The following CADPS variants were observed in gnomAD, a reference collection of about 807,000 sequenced individuals.
CADPS encodes calcium-dependent secretion activator 1.
A neutral mutation model predicts 167.3 loss-of-function variants in CADPS; 57 were observed. That is an observed-to-expected ratio of 0.34 (90% CI 0.28 to 0.42). The LOEUF is 0.42. Among genes scored for constraint, CADPS ranks in the 20% least tolerant of loss-of-function variants. CADPS has a pLI of 1.00. For synonymous variants in CADPS, 676 were observed against 635.3 expected (o/e 1.06, Z -0.96); for missense variants, 1,414 against 1,738.1 (o/e 0.81, Z 3.32).
chr3:62,841,653 A>G (rs2076669583), intron 1 of CADPS, among the ~76,000 whole-genome samples: 1 of 152,186 alleles, frequency 6.6e-6, no homozygotes, highest in Admixed American at 6.5e-5. Flanking sequence ...GCGAGCCCTG[A>G]TGGCACCACT....
At chr3:62,444,118 G>A (rs1016125736) in intron 27 of CADPS, among the ~76,000 whole-genome samples, 1 of 152,128 alleles carries the variant, frequency 6.6e-6, no homozygotes, top group Non-Finnish European at 1.5e-5. Flanking sequence ...TTGTCTACAG[G>A]CCACCTGTTC....
intron 8 of CADPS, among the ~76,000 whole-genome samples, chr3:62,576,889 T>C (rs1357429912): frequency 6.7e-6 from 1 of 149,966 alleles, no homozygotes; most frequent in Non-Finnish European, 1.5e-5. Flanking sequence ...TACACATGTC[T>C]GGGTTTGGAG....
chr3:62,849,155 A>C (rs1055545149), intron 1 of CADPS, among the ~76,000 whole-genome samples: 10 of 151,074 alleles, frequency 6.6e-5, no homozygotes, highest in East Asian at 1.9e-4. Context: ...GAAGTTGCTT[A>C]TCAGCTTAAG....
chr3:62,651,561 CTG>C (rs1441052640), intron 4 of CADPS, among the ~76,000 whole-genome samples: 3 of 152,146 alleles, frequency 2.0e-5, no homozygotes, highest in African/African-American at 7.2e-5. Context: ...CAAACATAGT[CTG>C]TGTCTATTTC....
At chr3:62,730,876 C>T (rs1186882694) in intron 3 of CADPS, among the ~76,000 whole-genome samples, 1 of 152,176 alleles carries the variant, frequency 6.6e-6, no homozygotes, top group Non-Finnish European at 1.5e-5. Context: ...ATGAGATGGC[C>T]ATTTGGGCCC....
rs371109838 is a variant in CADPS at position 62,478,553 on chromosome 3, G to T, written c.3174-137C>A. On this transcript the variant is annotated intron_variant, in intron 22 of 29. Coordinates refer to ENST00000383710, the MANE Select transcript of CADPS (RefSeq NM_003716.4). This position sits in a 1 kb window ranked among gnomAD's most constrained non-coding sequence, Gnocchi z 5.7. Reference sequence around the variant, plus strand: ...AACAACGTGTGTTGGCGGTGGAGGCGGGGGCGAGTCTCCACCGGCAGATTT... The same window carrying T: ...AACAACGTGTGTTGGCGGTGGAGGCTGGGGCGAGTCTCCACCGGCAGATTT... The T allele has an allele frequency of 3.9e-6, 3 of 765,856 alleles. No individual in the cohort carries two copies. Among genetic ancestry groups the T allele is most frequent in the East Asian group, 5.4e-5 (2 of 37,180 alleles). The allele number at this position is 765,856 out of a possible 1,614,324, so 47.4% of individuals were successfully genotyped here. A position where few individuals can be genotyped will look rare whatever the true frequency, so the allele number is the denominator to read the frequency against.
intron 3 of CADPS, among the ~76,000 whole-genome samples, chr3:62,685,353 A>G (rs2077810213): frequency 6.6e-6 from 1 of 151,990 alleles, no homozygotes; most frequent in Non-Finnish European, 1.5e-5. Flanking sequence ...ATCTATAATC[A>G]AAGAAACAAT....
At chr3:62,795,621 A>C (rs894552841) in intron 1 of CADPS, among the ~76,000 whole-genome samples, 3 of 148,914 alleles carry the variant, frequency 2.0e-5, no homozygotes, top group African/African-American at 7.8e-5. Flanking sequence ...TCACTCAATA[A>C]ATATTCATTG....
At chr3:62,553,252 T>C (rs1479117921) in intron 10 of CADPS, among the ~76,000 whole-genome samples, 2 of 152,104 alleles carry the variant, frequency 1.3e-5, no homozygotes, top group African/African-American at 4.8e-5. Context: ...GTTCATGGAG[T>C]TACTTTGGGG....
intron 17 of CADPS, among the ~76,000 whole-genome samples, chr3:62,511,869 G>C (rs1040814824): frequency 6.6e-6 from 1 of 152,090 alleles, no homozygotes; most frequent in Non-Finnish European, 1.5e-5. Context: ...CTACAGGGTA[G>C]GCTCCCACTA....
chr3:62,783,782 G>T (rs1214523788), intron 1 of CADPS, among the ~76,000 whole-genome samples: 1 of 152,208 alleles, frequency 6.6e-6, no homozygotes, highest in Non-Finnish European at 1.5e-5. Context: ...AATAGCTTTA[G>T]ATACTGTTAT....
chr3:62,724,124 GC>G (rs2076316756), intron 3 of CADPS, among the ~76,000 whole-genome samples: 1 of 152,208 alleles, frequency 6.6e-6, no homozygotes. Flanking sequence ...CAAAACAGGT[GC>G]AAAATAGAAA....
chr3:62,689,607 T>C (rs1050156826), intron 3 of CADPS, among the ~76,000 whole-genome samples: 1 of 152,040 alleles, frequency 6.6e-6, no homozygotes, highest in African/African-American at 2.4e-5. Flanking sequence ...CATAAAAAAT[T>C]AGATTGTATT....
chr3:62,822,703 G>A (rs941073838), intron 1 of CADPS, among the ~76,000 whole-genome samples: 12 of 152,036 alleles, frequency 7.9e-5, no homozygotes, highest in Admixed American at 2.6e-4. Flanking sequence ...TTAGCTGGGC[G>A]TGGTAGCGCA....
chr3:62,628,058 G>A (rs1336593059), intron 6 of CADPS, among the ~76,000 whole-genome samples: 1 of 152,178 alleles, frequency 6.6e-6, no homozygotes, highest in Non-Finnish European at 1.5e-5. Flanking sequence ...GAAGTAGAGT[G>A]TTCCTCCTCT....
At position 62,399,498 on chromosome 3, in the gene CADPS, C is replaced by T; in HGVS notation, c.3970G>A (p.Val1324Met). The T allele has an allele frequency of 6.2e-7, 1 of 1,614,168 alleles. No individual in the cohort carries two copies. ...TYETIRNRLT[V>M]EEATASVSEG... ...CTCACTGATGCTGTGGCTTCCTCCA[C>T]AGTGAGACGGTTCCGGATCGTTTCA... The change falls in exon 30 of 30, where the codon GTG (valine) becomes ATG (methionine). Residue 1324 changes from valine to methionine, a missense_variant. Coordinates refer to ENST00000383710, the MANE Select transcript of CADPS (RefSeq NM_003716.4). The surrounding 1 kb of genome is among the most constrained non-coding windows in gnomAD (Gnocchi z 5.6).
intron 1 of CADPS, among the ~76,000 whole-genome samples, chr3:62,808,313 A>C (rs1427062451): frequency 6.6e-6 from 1 of 152,120 alleles, no homozygotes; most frequent in Non-Finnish European, 1.5e-5. Context: ...TCTCCAGAAA[A>C]ATGAGACTTA....
chr3:62,871,228 C>T (rs553645531), intron 1 of CADPS, among the ~76,000 whole-genome samples: 8 of 152,190 alleles, frequency 5.3e-5, no homozygotes, highest in Admixed American at 4.6e-4. Flanking sequence ...TCTGTTCCTT[C>T]GGAAGTGTTC....
chr3:62,771,539 A>G (rs921100016), intron 1 of CADPS, among the ~76,000 whole-genome samples: 5 of 152,190 alleles, frequency 3.3e-5, no homozygotes, highest in African/African-American at 4.8e-5. Context: ...GGCCCAGAGT[A>G]GCTGACAGTA....
Sources: allele counts gnomAD v4.1 joint callset (sites outside exome capture counted in the v4.1 genomes callset), GRCh38; gene constraint gnomAD v4.1.1; non-coding constraint Gnocchi (gnomAD v3.1); transcripts MANE v1.5; gene names NCBI Gene and HGNC (gene_info 2026-07-23, HGNC 2026-07-21).